Variants in SYCP1 observed in about 807,000 individuals in gnomAD.
SYCP1 encodes cancer/testis antigen 8.
In SYCP1, 64 loss-of-function variants were observed where a neutral mutation model predicts 153.1. The ratio of observed to expected loss-of-function variants is 0.42; its 90% CI spans 0.34 to 0.51. The LOEUF (loss-of-function observed/expected upper bound fraction) is 0.51. SYCP1 is among the 20% of genes least tolerant of loss of function. The pLI, the probability that SYCP1 is intolerant of heterozygous loss-of-function variation, is 0.06. For missense variants in SYCP1, 997 were observed against 1,049.0 expected (o/e 0.95, Z 0.68); for synonymous variants, 384 against 341.8 (o/e 1.12, Z -1.36).
chr1:114,958,929 CAA>C (rs202044089), intron 27 of SYCP1, among the ~76,000 whole-genome samples: 3 of 107,362 alleles, frequency 2.8e-5, no homozygotes, highest in African/African-American at 4.0e-5. Context: ...GACTCCGTCT[CAA>C]AAAAAAAAAA....
intron 8 of SYCP1, among the ~76,000 whole-genome samples, chr1:114,866,528 G>T (rs1243160960): frequency 6.6e-6 from 1 of 151,930 alleles, no homozygotes; most frequent in African/African-American, 2.4e-5. Flanking sequence ...TAATCAGGTT[G>T]CATGTTTTCT....
At chr1:114,946,014 T>C (rs1333183239) in intron 25 of SYCP1, among the ~76,000 whole-genome samples, 2 of 152,084 alleles carry the variant, frequency 1.3e-5, no homozygotes, top group Non-Finnish European at 2.9e-5. Flanking sequence ...TAAAATTCAA[T>C]GTTTCCAAAG....
At position 114,885,596 on chromosome 1, in the gene SYCP1, A is replaced by G. The variant is rs1666238810; in HGVS notation, c.972A>G (p.Leu324=). 6.3e-7 allele frequency: 1 copy of G among 1,584,732 alleles called. No homozygotes were observed. Among genetic ancestry groups the G allele is most frequent in the Non-Finnish European group, 8.6e-7 (1 of 1,164,726 alleles). The change falls in exon 13 of 32, where the codon CTA becomes CTG. Residue 324 remains leucine, a synonymous_variant. Coordinates refer to ENST00000369522, the MANE Select transcript of SYCP1 (RefSeq NM_003176.4). ...IEKQHHLTKE[L]EDIKVSLQRS... Reference sequence around the variant, plus strand: ...AACAGCATCATTTGACTAAAGAACTAGAAGATATTAAAGTGTCATTACAAA... The same window carrying G: ...AACAGCATCATTTGACTAAAGAACTGGAAGATATTAAAGTGTCATTACAAA...
intron 8 of SYCP1, among the ~76,000 whole-genome samples, chr1:114,871,484 T>C (rs1161210689): frequency 1.3e-5 from 2 of 152,072 alleles, no homozygotes; most frequent in African/African-American, 2.4e-5. Flanking sequence ...CTCCCGTCTT[T>C]TGTATCATTG....
At chr1:114,958,756 T>TA (rs754525268) in intron 27 of SYCP1, among the ~76,000 whole-genome samples, 1,508 of 96,496 alleles carry the variant, frequency 0.016, 34 homozygotes, top group African/African-American at 0.055. Context: ...CTGTCTCTAC[T>TA]AAAAAAAAAA....
intron 26 of SYCP1, among the ~76,000 whole-genome samples, chr1:114,946,840 A>G (rs562114701): frequency 1.3e-5 from 2 of 152,206 alleles, no homozygotes; most frequent in Admixed American, 1.3e-4. Context: ...CCCGGGTTCA[A>G]GCAGTTCTCT....
chr1:114,953,569 C>T (rs2101854682), intron 27 of SYCP1, among the ~76,000 whole-genome samples: 1 of 152,288 alleles, frequency 6.6e-6, no homozygotes, highest in Non-Finnish European at 1.5e-5. Context: ...TGCTTTATCT[C>T]CATTGAATTA....
intron 27 of SYCP1, among the ~76,000 whole-genome samples, chr1:114,950,472 A>G (rs78663411): frequency 1.3e-5 from 2 of 152,130 alleles, no homozygotes; most frequent in African/African-American, 4.8e-5. Flanking sequence ...ATACAGAAAA[A>G]TACAAAAAGG....
intron 27 of SYCP1, among the ~76,000 whole-genome samples, chr1:114,953,297 C>A (rs751927399): frequency 1.4e-4 from 21 of 152,132 alleles, no homozygotes; most frequent in Non-Finnish European, 2.8e-4. Flanking sequence ...AGTTTTTTTG[C>A]AGAACAAGTT....
chr1:114,876,224 T>C (rs1352147153), intron 10 of SYCP1, 86 bp downstream of exon 10: 9 of 828,500 alleles, frequency 1.1e-5, no homozygotes, highest in South Asian at 8.9e-5. Flanking sequence ...TTCATCTCTT[T>C]AGCCTGATGC....
rs1043421254 is a variant in SYCP1, at chr1:114,914,062, G to T, written c.1718+17G>T. 2 of 1,515,430 alleles carry T rather than the reference G, an allele frequency of 1.3e-6. No individual in the cohort carries two copies. Among genetic ancestry groups the T allele is most frequent in the East Asian group, 2.4e-5 (1 of 41,302 alleles). 93.9% of individuals were successfully genotyped at this position (1,515,430 alleles called of 1,614,324 possible). On this transcript the variant is annotated intron_variant, in intron 20 of 31. Coordinates refer to ENST00000369522, the MANE Select transcript of SYCP1 (RefSeq NM_003176.4). ...CCAATTAAGGCAAGACTAACAAATT[G>T]GCCTTTTTTTGTCTGGCAAAAGATT...
intron 8 of SYCP1, among the ~76,000 whole-genome samples, chr1:114,872,909 C>A (rs1280537092): frequency 6.6e-6 from 1 of 152,130 alleles, no homozygotes; most frequent in African/African-American, 2.4e-5. Flanking sequence ...CTTGCCTGAG[C>A]CTTCTGAGTG....
chr1:114,982,181 T>C (rs1673201708), intron 29 of SYCP1, among the ~76,000 whole-genome samples: 1 of 152,050 alleles, frequency 6.6e-6, no homozygotes, highest in South Asian at 2.1e-4. Context: ...ATTTGCTGCC[T>C]ACATTCATAT....
intron 3 of SYCP1, 65 bp from the exon 4 acceptor site, chr1:114,857,143 AAAAAAAAAAAAAAAGAGAAAAAAG>A (rs1664033489): frequency 1.2e-6 from 1 of 817,372 alleles, no homozygotes; most frequent in Non-Finnish European, 1.7e-6. Flanking sequence ...TCTCAAAAAA[AAAAAAAAAAAAAAAGAGAAAAAAG>A]AAAAAAAAAA....
rs773460412 is a variant in SYCP1, at chr1:114,944,459, G to T, written c.2043+4G>T. 2 of 1,518,974 alleles carry T rather than the reference G, an allele frequency of 1.3e-6. No individual in the cohort carries two copies. Among genetic ancestry groups the T allele is most frequent in the Admixed American group, 1.8e-5 (1 of 55,686 alleles). 94.1% of individuals were successfully genotyped at this position (1,518,974 alleles called of 1,614,324 possible). On this transcript the variant is annotated splice_donor_region_variant and intron_variant, in intron 24 of 31. Coordinates refer to ENST00000369522, the MANE Select transcript of SYCP1 (RefSeq NM_003176.4). The stretch of plus-strand genomic sequence containing the variant: ...AGAAGAAAATCTTTTGGAAGAGGTG[G>T]GAAAAACTTAATGTATTAAGAACTT...
At chr1:114,902,736 C>G (rs970633922) in intron 16 of SYCP1, among the ~76,000 whole-genome samples, 2 of 143,092 alleles carry the variant, frequency 1.4e-5, no homozygotes, top group Non-Finnish European at 2.9e-5. Flanking sequence ...CAGCTCTTTA[C>G]TTGTTAGCTA....
chr1:114,941,088 G>A (rs1389233396), intron 23 of SYCP1, among the ~76,000 whole-genome samples: 3 of 151,878 alleles, frequency 2.0e-5, no homozygotes, highest in South Asian at 4.1e-4. Context: ...CAAAATCTGC[G>A]CATACTCATA....
At chr1:114,912,033 A>G (rs1371129686) in intron 18 of SYCP1, among the ~76,000 whole-genome samples, 1 of 152,030 alleles carries the variant, frequency 6.6e-6, no homozygotes, top group Non-Finnish European at 1.5e-5. Context: ...TTATTGTATT[A>G]TTACTCAGAG....
chr1:114,939,414 A>C (rs1670243618), intron 23 of SYCP1, among the ~76,000 whole-genome samples: 1 of 152,236 alleles, frequency 6.6e-6, no homozygotes, highest in Non-Finnish European at 1.5e-5. Context: ...TTAAGAAGAG[A>C]CTGGATAAAC....
Sources: gnomAD v4.1 joint callset for allele counts (sites outside exome capture counted in the v4.1 genomes callset) on GRCh38, gnomAD v4.1.1 for gene constraint, MANE v1.5 for transcripts, NCBI Gene and HGNC (gene_info 2026-07-23, HGNC 2026-07-21) for gene names.